The following CPNE4 variants were observed in gnomAD, a reference collection of about 807,000 sequenced individuals.
CPNE4 encodes copine-4.
CPNE4 carries 25 observed loss-of-function variants against 67.9 expected under a neutral mutation model. The observed-to-expected ratio is 0.37, with a 90% CI of 0.27 to 0.51. CPNE4 has a LOEUF of 0.51. Ranked by LOEUF, CPNE4 falls within the 20% of genes least tolerant of loss-of-function variation. The pLI is 0.93. For missense variants in CPNE4, 464 were observed against 690.8 expected (o/e 0.67, Z 3.68); for synonymous variants, 242 against 244.9 (o/e 0.99, Z 0.11).
intron 7 of CPNE4, among the ~76,000 whole-genome samples, chr3:131,642,710 G>C (rs187109990): frequency 2.4e-4 from 37 of 152,240 alleles, no homozygotes; most frequent in Admixed American, 2.2e-3. Context: ...GGTTTTATAA[G>C]GGGCTTTTCC....
At chr3:131,997,777 C>G (rs956478998) in intron 1 of CPNE4, among the ~76,000 whole-genome samples, 2 of 152,096 alleles carry the variant, frequency 1.3e-5, no homozygotes, top group African/African-American at 4.8e-5. Context: ...TTGATGGCAA[C>G]AAAGCGGCCA....
At chr3:131,685,797 C>CAA (rs2080876398) in intron 6 of CPNE4, 78 bp downstream of exon 6, 36 of 969,906 alleles carry the variant, frequency 3.7e-5, no homozygotes, top group Non-Finnish European at 3.8e-5. Flanking sequence ...CACACACACA[C>CAA]AAAAAGGAGT....
At chr3:131,850,735 T>C (rs1181724769) in intron 2 of CPNE4, among the ~76,000 whole-genome samples, 3 of 152,082 alleles carry the variant, frequency 2.0e-5, no homozygotes, top group African/African-American at 4.8e-5. Flanking sequence ...ATATGCTGGG[T>C]AGTATTTTCA....
chr3:131,627,803 C>G (rs960548351), intron 7 of CPNE4, among the ~76,000 whole-genome samples: 1 of 152,118 alleles, frequency 6.6e-6, no homozygotes, highest in Non-Finnish European at 1.5e-5. Flanking sequence ...GAAGTAGAAC[C>G]TGAAGATGTG....
intron 2 of CPNE4, among the ~76,000 whole-genome samples, chr3:131,760,746 A>C (rs1339898646): frequency 6.6e-6 from 1 of 152,184 alleles, no homozygotes; most frequent in African/African-American, 2.4e-5. Context: ...TCATTCCCCA[A>C]AACACTTAAA....
chr3:131,568,325 AAG>A (rs1177781082), intron 10 of CPNE4, among the ~76,000 whole-genome samples: 1 of 152,044 alleles, frequency 6.6e-6, no homozygotes, highest in Non-Finnish European at 1.5e-5. Context: ...CATTAGTAGA[AAG>A]AGAGCAGAGT....
At chr3:131,943,192 A>C (rs891694116) in intron 1 of CPNE4, among the ~76,000 whole-genome samples, 1 of 152,190 alleles carries the variant, frequency 6.6e-6, no homozygotes, top group African/African-American at 2.4e-5. Flanking sequence ...TTGCAATCAA[A>C]AACATTTATA....
At chr3:131,717,961 T>TTCTTTCTC (rs1208368624) in intron 3 of CPNE4, among the ~76,000 whole-genome samples, 2 of 149,622 alleles carry the variant, frequency 1.3e-5, no homozygotes, top group Admixed American at 6.7e-5. Flanking sequence ...CTTTCTCTCT[T>TTCTTTCTC]TCTTTCTCTC....
intron 7 of CPNE4, among the ~76,000 whole-genome samples, chr3:131,636,095 AGAACTACT>A (rs950260557): frequency 6.7e-6 from 1 of 149,646 alleles, no homozygotes; most frequent in Non-Finnish European, 1.5e-5. Flanking sequence ...AAAAAAAAAA[AGAACTACT>A]GCAGGAACAT....
intron 7 of CPNE4, among the ~76,000 whole-genome samples, chr3:131,656,119 T>C (rs2107633587): frequency 6.6e-6 from 1 of 151,826 alleles, no homozygotes; most frequent in Admixed American, 6.6e-5. Context: ...TTTTCTCTGT[T>C]GGCTGCTTTA....
chr3:131,744,130 CTT>C (rs1207989579), intron 2 of CPNE4, among the ~76,000 whole-genome samples: 1 of 151,574 alleles, frequency 6.6e-6, no homozygotes, highest in Non-Finnish European at 1.5e-5. Flanking sequence ...GCTAAAATGA[CTT>C]TTATTTTTAC....
rs71315620 is a variant in CPNE4 at position 131,716,695 on chromosome 3, C to T, written c.360+6751G>A. Among the ~76,000 whole-genome samples, 759 of 152,286 alleles carry T rather than the reference C, an allele frequency of 5.0e-3. 4 individuals are homozygous for T. Among genetic ancestry groups the T allele is most frequent in the Non-Finnish European group, 5.8e-3 (395 of 68,026 alleles). On this transcript the variant is annotated intron_variant, in intron 3 of 15. Coordinates refer to ENST00000429747, the MANE Select transcript of CPNE4 (RefSeq NM_130808.3). Reference sequence around the variant, plus strand: ...CCCATCCCGAGTGCTCCCTCCATGCCGGGGGCTCTGTTAAGCATTTTATGT... The same window carrying T: ...CCCATCCCGAGTGCTCCCTCCATGCTGGGGGCTCTGTTAAGCATTTTATGT...
chr3:131,952,533 C>A (rs1185137760), intron 1 of CPNE4, among the ~76,000 whole-genome samples: 1 of 95,254 alleles, frequency 1.0e-5, no homozygotes, highest in Non-Finnish European at 2.8e-5. Flanking sequence ...GGGCGTCAGC[C>A]TCCCGCCCGG....
chr3:131,922,657 C>T (rs1156869982), intron 1 of CPNE4, among the ~76,000 whole-genome samples: 15 of 152,288 alleles, frequency 9.8e-5, no homozygotes, highest in Admixed American at 3.9e-4. Flanking sequence ...TGGAAATTCA[C>T]GGGCATTAAT....
chr3:131,614,411 G>A (rs527592862), intron 7 of CPNE4, among the ~76,000 whole-genome samples: 1 of 152,214 alleles, frequency 6.6e-6, no homozygotes, highest in Non-Finnish European at 1.5e-5. Context: ...AAAGGTTTGA[G>A]TGAAAGCAAA....
chr3:131,919,810 G>C (rs2070692076), intron 1 of CPNE4, among the ~76,000 whole-genome samples: 1 of 152,046 alleles, frequency 6.6e-6, no homozygotes, highest in South Asian at 2.1e-4. Flanking sequence ...CTTTAACATC[G>C]AACTAGGTGA....
At chr3:131,782,978 T>C (rs764694442) in intron 2 of CPNE4, among the ~76,000 whole-genome samples, 9 of 152,076 alleles carry the variant, frequency 5.9e-5, no homozygotes, top group South Asian at 2.1e-4. Flanking sequence ...GGAGACAATC[T>C]GCTTATCATG....
intron 1 of CPNE4, among the ~76,000 whole-genome samples, chr3:131,998,245 C>A (rs1412319206): frequency 6.6e-6 from 1 of 152,126 alleles, no homozygotes; most frequent in Non-Finnish European, 1.5e-5. Flanking sequence ...TCCTGGATAA[C>A]AATCCATGAG....
chr3:131,823,278 G>T (rs189401853), intron 2 of CPNE4, among the ~76,000 whole-genome samples: 1 of 152,192 alleles, frequency 6.6e-6, no homozygotes, highest in African/African-American at 2.4e-5. Flanking sequence ...AAGCTTGCAG[G>T]TTGTAGTTAC....
Sources: allele counts gnomAD v4.1 joint callset (sites outside exome capture counted in the v4.1 genomes callset), GRCh38; gene constraint gnomAD v4.1.1; transcripts MANE v1.5; gene names NCBI Gene and HGNC (gene_info 2026-07-23, HGNC 2026-07-21).